MAGI3: variants seen among roughly 807,000 people sequenced by gnomAD.
MAGI3 encodes membrane associated guanylate kinase, WW and PDZ domain containing 3.
MAGI3 carries 43 observed loss-of-function variants against 121.8 expected under a neutral mutation model. That is an observed-to-expected ratio of 0.35 (90% CI 0.28 to 0.46). The LOEUF (loss-of-function observed/expected upper bound fraction) is 0.46, where lower values mean the gene tolerates loss of function less well. Among genes scored for constraint, MAGI3 ranks in the 20% least tolerant of loss-of-function variants. The pLI, the probability that MAGI3 is intolerant of heterozygous loss-of-function variation, is 1.00. For synonymous variants in MAGI3, 553 were observed against 639.3 expected, an observed-to-expected ratio of 0.86 and a Z score of 2.04; for missense variants, 1,547 against 1,797.3, an observed-to-expected ratio of 0.86 and a Z score of 2.52.
intron 1 of MAGI3, among the ~76,000 whole-genome samples, chr1:113,482,253 G>A (rs945992367): frequency 1.3e-5 from 2 of 151,854 alleles, no homozygotes; most frequent in African/African-American, 2.4e-5. Flanking sequence ...AACTTTTGAG[G>A]GTCTTAGTTT....
In MAGI3 at chr1:113,437,848, CTTCTTCTTCTTCTTCCTCTTCTTCTT is replaced by C. The variant is rs1557756945; in HGVS notation, c.316+46500_316+46525del. On this transcript the variant is annotated intron_variant, in intron 1 of 20. Transcript: ENST00000307546. ...TCTTCTTCTTCTTCTTCTTCTTCTT[CTTCTTCTTCTTCTTCCTCTTCTTCTT>C]CTTCTCCTTCTCCTTCTCCTTCTCC... 1.9e-3 allele frequency among the ~76,000 whole-genome samples: 113 copies of C among 60,826 alleles called. 3 individuals are homozygous for C. The highest frequency in any genetic ancestry group is 6.5e-3 in the Middle Eastern group (1 of 154). The allele number at this position is 60,826 out of a possible 152,430, so 39.9% of individuals were successfully genotyped here. A position where few individuals can be genotyped will look rare whatever the true frequency, so the allele number is the denominator to read the frequency against.
At chr1:113,408,792 G>A (rs1247081336) in intron 1 of MAGI3, among the ~76,000 whole-genome samples, 9 of 151,898 alleles carry the variant, frequency 5.9e-5, no homozygotes, top group Admixed American at 3.3e-4. Flanking sequence ...TGAATACTCA[G>A]TTACAGCCAA....
At chr1:113,544,117 A>G (rs1238060632) in intron 1 of MAGI3, among the ~76,000 whole-genome samples, 4 of 152,224 alleles carry the variant, frequency 2.6e-5, no homozygotes, top group Non-Finnish European at 5.9e-5. Context: ...TTATTTTTAC[A>G]AAGAAGTAGA....
intron 1 of MAGI3, among the ~76,000 whole-genome samples, chr1:113,432,826 A>G (rs908304344): frequency 2.0e-5 from 3 of 152,144 alleles, no homozygotes; most frequent in Admixed American, 1.3e-4. Context: ...AATTTCTACC[A>G]TATCAATAAG....
Position 113,683,845 on chromosome 1 carries a change from A to T in MAGI3, c.4277A>T (p.Asp1426Val), listed in dbSNP as rs775030755. The T allele has an allele frequency of 3.1e-6, 5 of 1,612,462 alleles. No individual in the cohort carries two copies. Among genetic ancestry groups the T allele is most frequent in the Non-Finnish European group, 4.2e-6 (5 of 1,179,238 alleles). Residue 1426 changes from aspartate to valine, a missense_variant, in exon 21 of 21, where the codon GAT becomes GTT. Transcript: ENST00000307546. Reference protein sequence around the residue: ...EEKVVSNKTEDHKGKELEAAD... With the variant: ...EEKVVSNKTEVHKGKELEAAD... Reference sequence around the variant, plus strand: ...AAGGTAGTTTCAAACAAAACAGAAGATCACAAAGGGAAAGAACTAGAGGCA... The same window carrying T: ...AAGGTAGTTTCAAACAAAACAGAAGTTCACAAAGGGAAAGAACTAGAGGCA...
chr1:113,515,247 A>G (rs1000958090), intron 1 of MAGI3, among the ~76,000 whole-genome samples: 11 of 152,062 alleles, frequency 7.2e-5, no homozygotes, highest in Non-Finnish European at 1.3e-4. Flanking sequence ...TAACTAATCT[A>G]TAATGTTTGG....
At chr1:113,418,021 A>C (rs1219286212) in intron 1 of MAGI3, among the ~76,000 whole-genome samples, 1 of 151,620 alleles carries the variant, frequency 6.6e-6, no homozygotes, top group African/African-American at 2.4e-5. Flanking sequence ...TTTCATATTC[A>C]CTTCCTTGTC....
chr1:113,640,189 T>TA (rs34581192), intron 9 of MAGI3, among the ~76,000 whole-genome samples: 52,671 of 152,100 alleles, frequency 0.35, 10,166 homozygotes, highest in South Asian at 0.5. Context: ...GATATCATCT[T>TA]ACGCCAGTCA....
chr1:113,587,512 A>G (rs559040773), intron 4 of MAGI3, among the ~76,000 whole-genome samples: 1 of 152,256 alleles, frequency 6.6e-6, no homozygotes, highest in South Asian at 2.1e-4. Context: ...TCGCTTTGGA[A>G]TCCCTGCCTT....
intron 14 of MAGI3, 61 bp from the exon 15 acceptor site, chr1:113,653,769 A>T (rs758421017): frequency 2.9e-6 from 4 of 1,395,492 alleles, no homozygotes; most frequent in Non-Finnish European, 3.9e-6. Flanking sequence ...GCATAAAAAC[A>T]CTTTAGTCAC....
intron 19 of MAGI3, among the ~76,000 whole-genome samples, chr1:113,677,082 G>A (rs1407765783): frequency 6.6e-6 from 1 of 152,100 alleles, no homozygotes; most frequent in South Asian, 2.1e-4. Flanking sequence ...ATAGATGGAA[G>A]GATATTGAGA....
chr1:113,678,619 G>A (rs1244072109), intron 19 of MAGI3, among the ~76,000 whole-genome samples: 4 of 152,190 alleles, frequency 2.6e-5, no homozygotes, highest in Non-Finnish European at 5.9e-5. Context: ...GCAGTCTACA[G>A]TTAAATCTTC....
chr1:113,532,879 T>C (rs1185717994), intron 1 of MAGI3, among the ~76,000 whole-genome samples: 1 of 152,200 alleles, frequency 6.6e-6, no homozygotes, highest in Non-Finnish European at 1.5e-5. Flanking sequence ...AAAGAATTGA[T>C]GTTAGTGCTT....
At chr1:113,399,427 T>G (rs2101286943) in intron 1 of MAGI3, among the ~76,000 whole-genome samples, 1 of 152,152 alleles carries the variant, frequency 6.6e-6, no homozygotes, top group Non-Finnish European at 1.5e-5. Flanking sequence ...TGCCGAGGAA[T>G]CAATACTACA....
At chr1:113,495,484 G>C (rs1656876527) in intron 1 of MAGI3, among the ~76,000 whole-genome samples, 1 of 151,784 alleles carries the variant, frequency 6.6e-6, no homozygotes, top group Non-Finnish European at 1.5e-5. Context: ...ACTGTACTCA[G>C]TGTGTAGTCT....
At chr1:113,495,358 CTTT>C (rs11458302) in intron 1 of MAGI3, among the ~76,000 whole-genome samples, 1 of 143,940 alleles carries the variant, frequency 6.9e-6, no homozygotes, top group South Asian at 2.2e-4. Context: ...TGAAGTACCT[CTTT>C]TTTTTTTTTT....
At chr1:113,429,440 C>A (rs1368673732) in intron 1 of MAGI3, among the ~76,000 whole-genome samples, 1 of 152,084 alleles carries the variant, frequency 6.6e-6, no homozygotes, top group Non-Finnish European at 1.5e-5. Context: ...GCTCAGGAGC[C>A]CCTGTTACAG....
At chr1:113,571,769 C>T (rs1647304558) in intron 2 of MAGI3, among the ~76,000 whole-genome samples, 1 of 152,130 alleles carries the variant, frequency 6.6e-6, no homozygotes, top group South Asian at 2.1e-4. Context: ...CCTGAAGTTG[C>T]TTATCAGCTT....
chr1:113,650,077 G>A (rs1276114075), intron 13 of MAGI3, among the ~76,000 whole-genome samples: 2 of 151,772 alleles, frequency 1.3e-5, no homozygotes, highest in African/African-American at 4.8e-5. Context: ...AAAAAATATG[G>A]TTGGAAGTTA....
Sources: gnomAD v4.1 joint callset for allele counts (sites outside exome capture counted in the v4.1 genomes callset) on GRCh38, gnomAD v4.1.1 for gene constraint, MANE v1.5 for transcripts, NCBI Gene and HGNC (gene_info 2026-07-23, HGNC 2026-07-21) for gene names.